The following SLC25A36 variants were observed in gnomAD, a reference collection of about 807,000 sequenced individuals.
SLC25A36 encodes the protein solute carrier family 25 member 36, also known as epididymis secretory sperm binding protein.
A neutral mutation model predicts 35.3 loss-of-function variants in SLC25A36; 24 were observed. That is an observed-to-expected ratio of 0.68 (90% CI 0.49 to 0.96). The LOEUF (loss-of-function observed/expected upper bound fraction) is 0.96, where lower values mean the gene tolerates loss of function less well. Ranked by LOEUF, SLC25A36 falls within the 40% of genes least tolerant of loss-of-function variation. The pLI is 0.00. For synonymous variants in SLC25A36, 141 were observed against 132.2 expected, an observed-to-expected ratio of 1.07 and a Z score of -0.46; for missense variants, 294 against 381.1, an observed-to-expected ratio of 0.77 and a Z score of 1.90.
chr3:140,963,198 A>G lies in SLC25A36; in HGVS notation c.356A>G (p.Gln119Arg). 2 of 1,594,436 alleles carry G rather than the reference A, an allele frequency of 1.3e-6. No individual in the cohort carries two copies. The highest frequency in any genetic ancestry group is 1.7e-6 in the Non-Finnish European group (2 of 1,175,354). The stretch of plus-strand genomic sequence containing the variant: ...GATGTATTTGATCCTGATTCTACCC[A>G]AGTACATATGATTTCAGCTGCAATG... ...LNDVFDPDST[Q>R]VHMISAAMAG... Residue 119 changes from glutamine (Q) to arginine (R), a missense_variant, in exon 4 of 7, where the codon CAA becomes CGA. Gln to Arg is a conservative substitution (Grantham distance 43). Transcript: ENST00000324194.
At chr3:140,961,728 C>T (rs766954763) in intron 3 of SLC25A36, among the ~76,000 whole-genome samples, 6 of 151,510 alleles carry the variant, frequency 4.0e-5, no homozygotes, top group East Asian at 3.9e-4. Context: ...TGGTGGCGGT[C>T]GCCTGTAGTC....
At chr3:140,972,328 G>C in intron 5 of SLC25A36, among the ~76,000 whole-genome samples, 1 of 152,064 alleles carries the variant, frequency 6.6e-6, no homozygotes, top group African/African-American at 2.4e-5. Context: ...TTGGATAGGG[G>C]TGGGGTAATA....
intron 1 of SLC25A36, among the ~76,000 whole-genome samples, chr3:140,954,377 A>G (rs1934421312): frequency 6.6e-6 from 1 of 152,220 alleles, no homozygotes. Flanking sequence ...TTCTGTGGAC[A>G]TGTCTGTTCA....
chr3:140,977,640 G>A lies in SLC25A36; in HGVS notation c.*1187G>A, dbSNP rs1935082763. The A allele has an allele frequency of 6.6e-6, 1 of 152,110 alleles. No homozygotes were observed. The highest frequency in any genetic ancestry group is 2.4e-5 in the African/African-American group (1 of 41,418). The allele number at this position is 152,110 out of a possible 1,614,324, so 9.4% of individuals were successfully genotyped here. On this transcript the variant is annotated 3_prime_UTR_variant, in exon 7 of 7. Coordinates refer to ENST00000324194, the MANE Select transcript of SLC25A36 (RefSeq NM_001104647.3). The stretch of plus-strand genomic sequence containing the variant: ...GGGTTAAATGTGCTAATAGGATGTA[G>A]CTTTTAAATTCTGCTATTGAGTCAG...
chr3:140,945,545 C>G (rs187088635), intron 1 of SLC25A36, among the ~76,000 whole-genome samples: 15 of 152,240 alleles, frequency 9.9e-5, no homozygotes, highest in African/African-American at 2.9e-4. Context: ...GTCAGGGATT[C>G]TCCTTCTTGA....
At chr3:140,969,406 A>G (rs1391949608) in intron 4 of SLC25A36, among the ~76,000 whole-genome samples, 1 of 151,920 alleles carries the variant, frequency 6.6e-6, no homozygotes, top group African/African-American at 2.4e-5. Context: ...TGTTGGTCCC[A>G]TTCTAGTTTT....
intron 1 of SLC25A36, among the ~76,000 whole-genome samples, chr3:140,952,725 G>A (rs147731934): frequency 1.3e-5 from 2 of 152,112 alleles, no homozygotes; most frequent in Admixed American, 6.5e-5. Context: ...TTTTGTTTTC[G>A]TTGTATAATA....
intron 1 of SLC25A36, among the ~76,000 whole-genome samples, chr3:140,949,389 A>C (rs577923129): frequency 1.1e-4 from 17 of 152,356 alleles, no homozygotes; most frequent in African/African-American, 4.1e-4. Flanking sequence ...ACAATTTGGC[A>C]AACATCATTA....
intron 1 of SLC25A36, among the ~76,000 whole-genome samples, chr3:140,949,607 G>T (rs1049736580): frequency 6.6e-5 from 10 of 152,258 alleles, no homozygotes; most frequent in Admixed American, 5.2e-4. Flanking sequence ...TAAAGAACAT[G>T]TAGTTATTTC....
chr3:140,974,463 T>C (rs1369550687), intron 6 of SLC25A36, among the ~76,000 whole-genome samples: 1 of 152,196 alleles, frequency 6.6e-6, no homozygotes, highest in Non-Finnish European at 1.5e-5. Context: ...CAAGGTCACA[T>C]ACCTACTTAA....
At chr3:140,953,759 C>A (rs543229323) in intron 1 of SLC25A36, among the ~76,000 whole-genome samples, 1 of 152,152 alleles carries the variant, frequency 6.6e-6, no homozygotes, top group East Asian at 1.9e-4. Context: ...GAGTTCAAGA[C>A]CAGTTTGTGC....
intron 5 of SLC25A36, among the ~76,000 whole-genome samples, chr3:140,971,709 T>C (rs981825125): frequency 1.3e-5 from 2 of 152,198 alleles, no homozygotes; most frequent in Admixed American, 1.3e-4. Flanking sequence ...TCTTGCCATC[T>C]CAACTCTCCT....
intron 4 of SLC25A36, chr3:140,967,072 G>A (rs972237084): frequency 8.8e-6 from 4 of 455,450 alleles, no homozygotes; most frequent in African/African-American, 6.0e-5. Context: ...GCAGCCTGTA[G>A]TATAAGAAAC....
intron 1 of SLC25A36, among the ~76,000 whole-genome samples, chr3:140,949,416 C>G (rs2107783305): frequency 6.6e-6 from 1 of 152,206 alleles, no homozygotes; most frequent in East Asian, 1.9e-4. Context: ...TTTTAAATGT[C>G]TTATAAAATG....
Position 140,978,916 on chromosome 3 carries a change from T to C in SLC25A36, c.*2463T>C, listed in dbSNP as rs1461611284. 6.6e-6 allele frequency: 1 copy of C among 151,922 alleles called. No individual in the cohort carries two copies. Among genetic ancestry groups the C allele is most frequent in the Non-Finnish European group, 1.5e-5 (1 of 67,988 alleles). 9.4% of individuals were successfully genotyped at this position (151,922 alleles called of 1,614,324 possible). A position where few individuals can be genotyped will look rare whatever the true frequency, so the allele number is the denominator to read the frequency against. On this transcript the variant is annotated 3_prime_UTR_variant, in exon 7 of 7. Transcript: ENST00000324194. ...TCATGTTTAAAAACAAAAACACATA[T>C]TCAGAGCATTGGACTTTTTTAACTT...
rs775525116 is a variant in SLC25A36 at position 140,973,740 on chromosome 3, T to G, written c.477T>G (p.Gly159=). 1.3e-6 allele frequency: 2 copies of G among 1,526,312 alleles called. No homozygotes were observed. Among genetic ancestry groups the G allele is most frequent in the Non-Finnish European group, 1.8e-6 (2 of 1,128,624 alleles). The allele number at this position is 1,526,312 out of a possible 1,614,324, so 94.5% of individuals were successfully genotyped here. A position where few individuals can be genotyped will look rare whatever the true frequency, so the allele number is the denominator to read the frequency against. The change falls in exon 6 of 7, where the codon GGT becomes GGG. Residue 159 remains glycine, a synonymous_variant. Coordinates refer to ENST00000324194, the MANE Select transcript of SLC25A36 (RefSeq NM_001104647.3). Reference sequence around the variant, plus strand: ...GGAACCGCGGGGAAAGGCGAATGGGTGCTTTTGAATGTGTTCGTAAAGTGT... The same window carrying G: ...GGAACCGCGGGGAAAGGCGAATGGGGGCTTTTGAATGTGTTCGTAAAGTGT... ...DARNRGERRM[G]AFECVRKVYQ...
Position 140,979,370 on chromosome 3 carries a change from A to G in SLC25A36, c.*2917A>G, listed in dbSNP as rs535771918. 11 of 152,178 alleles carry G rather than the reference A, an allele frequency of 7.2e-5. No individual in the cohort carries two copies. Among genetic ancestry groups the G allele is most frequent in the Non-Finnish European group, 1.5e-4 (10 of 68,006 alleles). 9.4% of individuals were successfully genotyped at this position (152,178 alleles called of 1,614,324 possible). A position where few individuals can be genotyped will look rare whatever the true frequency, so the allele number is the denominator to read the frequency against. On this transcript the variant is annotated 3_prime_UTR_variant, in exon 7 of 7. Transcript: ENST00000324194. ...TGAAGGATTTAAGTGCTAAAAATCAATCCATTTCTTGCCCTTCAATAATTG... is the reference window on the plus strand; with the variant it reads ...TGAAGGATTTAAGTGCTAAAAATCAGTCCATTTCTTGCCCTTCAATAATTG...
At chr3:140,953,323 T>G (rs927281475) in intron 1 of SLC25A36, among the ~76,000 whole-genome samples, 3 of 151,886 alleles carry the variant, frequency 2.0e-5, no homozygotes, top group Admixed American at 2.0e-4. Flanking sequence ...TTGTTTCAGA[T>G]TTGCTATAAT....
At chr3:140,953,126 CTG>C (rs1317070104) in intron 1 of SLC25A36, among the ~76,000 whole-genome samples, 1 of 152,162 alleles carries the variant, frequency 6.6e-6, no homozygotes, top group Non-Finnish European at 1.5e-5. Context: ...TCCAAGTATA[CTG>C]TGTGATGATG....
Sources: gnomAD v4.1 joint callset for allele counts (sites outside exome capture counted in the v4.1 genomes callset) on GRCh38, gnomAD v4.1.1 for gene constraint, MANE v1.5 for transcripts, NCBI Gene and HGNC (gene_info 2026-07-23, HGNC 2026-07-21) for gene names.